Variants in SPATA6 observed in about 807,000 individuals in gnomAD.
SPATA6 encodes spermatogenesis-associated protein 6.
Under a neutral mutation model 65.3 loss-of-function variants are expected in SPATA6, and 56 were observed. The observed-to-expected ratio is 0.86, with a 90% CI of 0.69 to 1.07. SPATA6 has a LOEUF of 1.07. Among genes scored for constraint, SPATA6 ranks in the 50% least tolerant of loss-of-function variants. The probability of loss-of-function intolerance (pLI) is 0.00; values close to 1 mark genes in which losing one functional copy is unlikely to be tolerated. For missense variants in SPATA6, 590 were observed against 594.8 expected (o/e 0.99, Z 0.08); for synonymous variants, 199 against 213.2 (o/e 0.93, Z 0.58).
chr1:48,319,437 T>C (rs999825304), intron 11 of SPATA6, among the ~76,000 whole-genome samples: 5 of 152,100 alleles, frequency 3.3e-5, no homozygotes, highest in African/African-American at 1.2e-4. Context: ...TATAAGCAGC[T>C]AGTGAGCGCC....
intron 11 of SPATA6, among the ~76,000 whole-genome samples, chr1:48,314,905 C>A (rs1006409874): frequency 6.6e-6 from 1 of 152,148 alleles, no homozygotes; most frequent in Non-Finnish European, 1.5e-5. Flanking sequence ...TCAGAGAATA[C>A]TATAAACACC....
At chr1:48,376,417 A>G (rs1407468573) in intron 9 of SPATA6, among the ~76,000 whole-genome samples, 1 of 152,034 alleles carries the variant, frequency 6.6e-6, no homozygotes, top group Non-Finnish European at 1.5e-5. Flanking sequence ...AATAAATGGT[A>G]TCATCAAACA....
chr1:48,282,608 A>G, the SPATA6 span, among the ~76,000 whole-genome samples: 2 of 152,358 alleles, frequency 1.3e-5, no homozygotes, highest in Non-Finnish European at 2.9e-5. Flanking sequence ...TGGCCATCAG[A>G]GAAATGCAAA....
chr1:48,450,076 T>A (rs941379196), intron 3 of SPATA6, among the ~76,000 whole-genome samples: 1 of 151,220 alleles, frequency 6.6e-6, no homozygotes, highest in African/African-American at 2.4e-5. Flanking sequence ...AACAGTACAG[T>A]AAGGGAGGAG....
At chr1:48,417,618 A>C (rs1652895381) in intron 3 of SPATA6, among the ~76,000 whole-genome samples, 1 of 152,098 alleles carries the variant, frequency 6.6e-6, no homozygotes, top group East Asian at 1.9e-4. Context: ...GTTCGAGTCC[A>C]GCCTGGCCAA....
At chr1:48,283,622 T>G in the SPATA6 span, among the ~76,000 whole-genome samples, 2 of 135,832 alleles carry the variant, frequency 1.5e-5, no homozygotes, top group East Asian at 4.4e-4. Context: ...GAGTTTGCAG[T>G]AAGTCGAGAT....
chr1:48,325,613 G>T lies in SPATA6; in HGVS notation c.1195-19735C>A. 3 of 783,688 alleles carry T rather than the reference G, an allele frequency of 3.8e-6. No individual in the cohort carries two copies. In the South Asian group the frequency reaches 4.2e-5, roughly 11 times the overall value. 48.5% of individuals were successfully genotyped at this position (783,688 alleles called of 1,614,324 possible). A position where few individuals can be genotyped will look rare whatever the true frequency, so the allele number is the denominator to read the frequency against. ...GGTGGAAATCCACTTGTTGTGGGCA[G>T]TGTTGAACTATGTCAGGTTATCAAG... is the stretch of plus-strand genomic sequence containing the variant. On this transcript the variant is annotated intron_variant, in intron 11 of 12. Coordinates refer to ENST00000371847, the MANE Select transcript of SPATA6 (RefSeq NM_019073.4).
the SPATA6 span, among the ~76,000 whole-genome samples, chr1:48,277,102 T>C: frequency 6.6e-6 from 1 of 151,352 alleles, no homozygotes; most frequent in Non-Finnish European, 1.5e-5. Flanking sequence ...TTTTTTGCTT[T>C]TTTTTTTTTT....
chr1:48,469,088 C>T (rs1570665138), intron 1 of SPATA6, among the ~76,000 whole-genome samples: 1 of 152,292 alleles, frequency 6.6e-6, no homozygotes, highest in East Asian at 1.9e-4. Flanking sequence ...CTGCCTCAGT[C>T]CCCTGAGTAG....
chr1:48,406,306 T>A (rs752507460), intron 5 of SPATA6, among the ~76,000 whole-genome samples: 4 of 152,290 alleles, frequency 2.6e-5, no homozygotes, highest in Middle Eastern at 3.4e-3. Flanking sequence ...ATTTATTAGA[T>A]CAGGCCCACT....
intron 8 of SPATA6, among the ~76,000 whole-genome samples, chr1:48,390,229 A>C (rs1338405806): frequency 6.6e-6 from 1 of 152,184 alleles, no homozygotes; most frequent in East Asian, 1.9e-4. Context: ...ATAATAAAGT[A>C]ATTAGGGCAT....
At chr1:48,359,896 G>T in intron 9 of SPATA6, 126 bp from the exon 10 acceptor site, 1 of 683,632 alleles carries the variant, frequency 1.5e-6, no homozygotes, top group Non-Finnish European at 2.2e-6. Context: ...TTTTATAAAA[G>T]TAATAAAACA....
chr1:48,275,610 G>C, the SPATA6 span, among the ~76,000 whole-genome samples: 1 of 152,102 alleles, frequency 6.6e-6, no homozygotes, highest in Admixed American at 6.5e-5. Flanking sequence ...CGTGGTTTTT[G>C]TCATTGTTTC....
chr1:48,394,148 A>C (rs72893299), intron 8 of SPATA6, among the ~76,000 whole-genome samples: 1 of 152,092 alleles, frequency 6.6e-6, no homozygotes, highest in Admixed American at 6.6e-5. Flanking sequence ...TTACTTTTCC[A>C]TAAGTCTGAA....
intron 11 of SPATA6, among the ~76,000 whole-genome samples, chr1:48,339,821 AAAT>A (rs1450862831): frequency 2.6e-5 from 4 of 152,070 alleles, no homozygotes; most frequent in African/African-American, 9.6e-5. Flanking sequence ...GAAGAGTAAG[AAAT>A]AATAGTTAAT....
chr1:48,363,843 C>T (rs1469597423), intron 9 of SPATA6, among the ~76,000 whole-genome samples: 1 of 151,078 alleles, frequency 6.6e-6, no homozygotes, highest in Non-Finnish European at 1.5e-5. Flanking sequence ...GGTACATGTG[C>T]ACAATGTGAA....
At position 48,472,064 on chromosome 1, in the gene SPATA6, G is replaced by C; in HGVS notation, c.-56C>G. On this transcript the variant is annotated 5_prime_UTR_variant, in exon 1 of 13. Transcript: ENST00000371847. ...CCGGCCACGGGCCCGAGTGAGGCGG[G>C]GAGACCTGGGGCTGGGCGGGGACGG... 1 of 1,369,904 alleles carries C rather than the reference G, an allele frequency of 7.3e-7. No individual in the cohort carries two copies. Among genetic ancestry groups the C allele is most frequent in the Non-Finnish European group, 9.7e-7 (1 of 1,035,828 alleles). 84.9% of individuals were successfully genotyped at this position (1,369,904 alleles called of 1,614,324 possible). A position where few individuals can be genotyped will look rare whatever the true frequency, so the allele number is the denominator to read the frequency against.
At chr1:48,391,947 A>C (rs1276707465) in intron 8 of SPATA6, among the ~76,000 whole-genome samples, 2 of 152,118 alleles carry the variant, frequency 1.3e-5, no homozygotes, top group Non-Finnish European at 2.9e-5. Flanking sequence ...GCAACTTACT[A>C]TCCTTCTTTA....
chr1:48,265,543 A>C, the SPATA6 span, among the ~76,000 whole-genome samples: 3 of 152,210 alleles, frequency 2.0e-5, no homozygotes, highest in Admixed American at 6.5e-5. Flanking sequence ...AAATCAATCC[A>C]GATGGTGAAG....
Sources: gnomAD v4.1 joint callset for allele counts (sites outside exome capture counted in the v4.1 genomes callset) on GRCh38, gnomAD v4.1.1 for gene constraint, MANE v1.5 for transcripts, NCBI Gene and HGNC (gene_info 2026-07-23, HGNC 2026-07-21) for gene names.